LSAMP: variants seen among roughly 807,000 people sequenced by gnomAD.
LSAMP encodes the protein limbic system-associated membrane protein.
LSAMP carries 7 observed loss-of-function variants against 38.6 expected under a neutral mutation model. The observed-to-expected ratio is 0.18, with a 90% confidence interval of 0.10 to 0.34. LSAMP has a LOEUF of 0.34. LSAMP is among the 10% of genes least tolerant of loss of function. The pLI, the probability that LSAMP is intolerant of heterozygous loss-of-function variation, is 1.00. For missense variants in LSAMP, 313 were observed against 420.0 expected, an observed-to-expected ratio of 0.75 and a Z score of 2.23; for synonymous variants, 154 against 166.8, an observed-to-expected ratio of 0.92 and a Z score of 0.59.
intron 3 of LSAMP, among the ~76,000 whole-genome samples, chr3:116,017,074 A>G (rs937491005): frequency 6.6e-6 from 1 of 152,126 alleles, no homozygotes; most frequent in East Asian, 1.9e-4. Context: ...TAGAAAAACA[A>G]GCTATTAAGG....
chr3:116,097,366 CTG>C (rs1708247301), intron 1 of LSAMP, among the ~76,000 whole-genome samples: 1 of 152,230 alleles, frequency 6.6e-6, no homozygotes, highest in Non-Finnish European at 1.5e-5. Context: ...AGTTAGAAGA[CTG>C]TTTTCCACAA....
rs1241093229 is a variant in LSAMP, at chr3:115,841,908, C to T, written c.856G>A (p.Gly286Ser). The part of the protein sequence containing the change: ...TVTNVTEEHY[G>S]NYTCVAANKL... The stretch of plus-strand genomic sequence containing the variant: ...TTGGCAGCCACACAGGTGTAGTTGC[C>T]GTAGTGCTCCTCAGTGACGTTGGTC... The change falls in exon 6 of 7, where the codon GGC (glycine) becomes AGC (serine). Residue 286 changes from glycine to serine, a missense_variant. Transcript: ENST00000490035. 3.1e-6 allele frequency: 5 copies of T among 1,614,030 alleles called. No individual in the cohort carries two copies. The highest frequency in any genetic ancestry group is 2.2e-5 in the East Asian group (1 of 44,876).
At chr3:116,409,454 C>T (rs2107836702) in intron 1 of LSAMP, among the ~76,000 whole-genome samples, 1 of 152,162 alleles carries the variant, frequency 6.6e-6, no homozygotes, top group Non-Finnish European at 1.5e-5. Context: ...AGGTAACCTG[C>T]TCCAATTTAT....
chr3:116,397,431 C>T (rs1195165668), intron 1 of LSAMP, among the ~76,000 whole-genome samples: 1 of 143,848 alleles, frequency 7.0e-6, no homozygotes, highest in African/African-American at 2.5e-5. Flanking sequence ...CTTTGAAAAC[C>T]ATATCCCTTT....
At chr3:116,437,615 G>A (rs917263869) in intron 1 of LSAMP, among the ~76,000 whole-genome samples, 5 of 151,514 alleles carry the variant, frequency 3.3e-5, no homozygotes, top group East Asian at 3.9e-4. Context: ...GGAGAGAGGA[G>A]AAGGGAGGAG....
At chr3:116,267,149 GATGTTAC>G (rs1331937859) in intron 1 of LSAMP, among the ~76,000 whole-genome samples, 3 of 152,060 alleles carry the variant, frequency 2.0e-5, no homozygotes, top group African/African-American at 7.2e-5. Flanking sequence ...ATGCAAGGCA[GATGTTAC>G]ATTTTTTTTT....
rs748735712 is a variant in LSAMP at position 116,086,336 on chromosome 3, A to G, written c.376T>C (p.Leu126=). Residue 126 remains leucine (L), a synonymous_variant, in exon 2 of 7, where the codon TTG becomes CTG. Transcript: ENST00000490035. ...ACACTTTCCTTACCTTGTACGATCAAGTAAACTTGGGAGGTCTTGGGCTCA... is the reference window on the plus strand; with the variant it reads ...ACACTTTCCTTACCTTGTACGATCAGGTAAACTTGGGAGGTCTTGGGCTCA... ...QHEPKTSQVY[L]IVQVPPKISN... is the part of the protein sequence containing the mutation. 1.2e-6 allele frequency: 2 copies of G among 1,614,074 alleles called. No homozygotes were observed. Among genetic ancestry groups the G allele is most frequent in the Non-Finnish European group, 1.7e-6 (2 of 1,179,932 alleles).
intron 1 of LSAMP, among the ~76,000 whole-genome samples, chr3:116,121,428 CTT>C (rs1708873336): frequency 6.6e-6 from 1 of 152,148 alleles, no homozygotes; most frequent in African/African-American, 2.4e-5. Flanking sequence ...TTTATCGAAA[CTT>C]TCTTATAAAT....
intron 3 of LSAMP, among the ~76,000 whole-genome samples, chr3:115,969,693 T>C (rs1336981269): frequency 6.6e-6 from 1 of 152,176 alleles, no homozygotes; most frequent in African/African-American, 2.4e-5. Flanking sequence ...TTATTAATAT[T>C]ATTATCTTTA....
intron 4 of LSAMP, among the ~76,000 whole-genome samples, chr3:115,848,282 G>C (rs754960966): frequency 6.6e-6 from 1 of 152,082 alleles, no homozygotes. Context: ...AAATTAGTCG[G>C]GTATGGTGGC....
Position 115,802,483 on chromosome 3 carries a change from T to A in LSAMP, c.*7834A>T, listed in dbSNP as rs1029419812. 8 of 151,734 alleles carry A rather than the reference T, an allele frequency of 5.3e-5. No homozygotes were observed. The highest frequency in any genetic ancestry group is 1.2e-4 in the Non-Finnish European group (8 of 67,990). 9.4% of individuals were successfully genotyped at this position (151,734 alleles called of 1,614,324 possible). On this transcript the variant is annotated 3_prime_UTR_variant, in exon 7 of 7. Coordinates refer to ENST00000490035, the MANE Select transcript of LSAMP (RefSeq NM_002338.5). ...AAGAGAGAAACAGAATTTAAATACA[T>A]TTAAAAAGAAAAGAAAAAAAGCTTT...
intron 1 of LSAMP, among the ~76,000 whole-genome samples, chr3:116,210,506 G>T (rs1161104302): frequency 1.3e-5 from 2 of 152,206 alleles, no homozygotes; most frequent in African/African-American, 4.8e-5. Flanking sequence ...GCAGTGATTT[G>T]CCAGGAGCTC....
chr3:115,822,860 G>A (rs750523571), intron 6 of LSAMP, among the ~76,000 whole-genome samples: 1 of 152,176 alleles, frequency 6.6e-6, no homozygotes, highest in Non-Finnish European at 1.5e-5. Flanking sequence ...CTTTATAGTT[G>A]TCTGTGACTA....
chr3:115,987,906 C>T (rs1270802810), intron 3 of LSAMP, among the ~76,000 whole-genome samples: 1 of 152,164 alleles, frequency 6.6e-6, no homozygotes, highest in Non-Finnish European at 1.5e-5. Context: ...TCTTCAAATT[C>T]ATCCAGCAGG....
intron 3 of LSAMP, among the ~76,000 whole-genome samples, chr3:115,931,762 T>C (rs1937584223): frequency 6.6e-6 from 1 of 152,218 alleles, no homozygotes; most frequent in African/African-American, 2.4e-5. Flanking sequence ...TTATTAACAG[T>C]AATCCCATGA....
At chr3:116,391,266 C>T (rs2048691595) in intron 1 of LSAMP, among the ~76,000 whole-genome samples, 1 of 152,046 alleles carries the variant, frequency 6.6e-6, no homozygotes, top group Non-Finnish European at 1.5e-5. Context: ...GCGGGAGCAG[C>T]AGTGGCGGTG....
intron 3 of LSAMP, among the ~76,000 whole-genome samples, chr3:115,947,470 A>G (rs1233035996): frequency 1.3e-5 from 2 of 152,140 alleles, no homozygotes; most frequent in South Asian, 2.1e-4. Flanking sequence ...TAAAATAAAA[A>G]GGTGAAACCT....
intron 1 of LSAMP, among the ~76,000 whole-genome samples, chr3:116,136,011 G>C (rs1709240626): frequency 1.3e-5 from 2 of 152,106 alleles, no homozygotes; most frequent in Non-Finnish European, 1.5e-5. Flanking sequence ...GTCTTAAGTA[G>C]CACTAAAGCT....
chr3:116,029,534 A>G (rs1016026201), intron 2 of LSAMP, among the ~76,000 whole-genome samples: 4 of 152,148 alleles, frequency 2.6e-5, no homozygotes, highest in Middle Eastern at 3.2e-3. Flanking sequence ...AAGAGAGATA[A>G]TATGCTAACT....
Sources: allele counts gnomAD v4.1 joint callset (sites outside exome capture counted in the v4.1 genomes callset), GRCh38; gene constraint gnomAD v4.1.1; transcripts MANE v1.5; gene names NCBI Gene and HGNC (gene_info 2026-07-23, HGNC 2026-07-21).